AKAP7: variants seen among roughly 807,000 people sequenced by gnomAD.
AKAP7 encodes the protein A kinase (PRKA) anchor protein 7.
In AKAP7, 39 loss-of-function variants were observed where a neutral mutation model predicts 39.5. That is an observed-to-expected ratio of 0.99 (90% CI 0.76 to 1.29). AKAP7 has a LOEUF of 1.29. AKAP7 is among the 50% of genes most tolerant of loss of function. The pLI is 0.00. For missense variants in AKAP7, 414 were observed against 407.7 expected (o/e 1.02, Z -0.13); for synonymous variants, 140 against 139.1 (o/e 1.01, Z -0.05).
At chr6:131,145,532 T>A in intron 2 of AKAP7, 116 bp downstream of exon 2, 1 of 640,464 alleles carries the variant, frequency 1.6e-6, no homozygotes, top group Non-Finnish European at 2.2e-6. Context: ...TTTTGAGTTT[T>A]AATTTTGATT....
intron 7 of AKAP7, among the ~76,000 whole-genome samples, chr6:131,261,875 G>A (rs866039783): frequency 2.6e-5 from 4 of 152,096 alleles, no homozygotes; most frequent in Non-Finnish European, 5.9e-5. Context: ...AGAATTTAAC[G>A]TAGGGAATTA....
chr6:131,175,238 G>T (rs961091765), intron 5 of AKAP7, among the ~76,000 whole-genome samples: 6 of 152,188 alleles, frequency 3.9e-5, no homozygotes, highest in African/African-American at 1.4e-4. Context: ...TCTTAGGGGT[G>T]GCAGAGGCAC....
rs1815172497 is a variant in AKAP7 at position 131,281,288 on chromosome 6, G to T, written c.851-242G>T. On this transcript the variant is annotated intron_variant, in intron 7 of 7. Coordinates refer to ENST00000431975, the MANE Select transcript of AKAP7 (RefSeq NM_016377.4). This position sits in a 1 kb window ranked among gnomAD's most constrained non-coding sequence, Gnocchi z 4.0. The stretch of plus-strand genomic sequence containing the variant: ...TTCACATATAAATGGGAAACATCCG[G>T]CATTGGTAGGTAGAGCTTGTCTAGA... 6.6e-6 allele frequency among the ~76,000 whole-genome samples: 1 copy of T among 152,206 alleles called. No individual in the cohort carries two copies. Among genetic ancestry groups the T allele is most frequent in the Non-Finnish European group, 1.5e-5 (1 of 68,036 alleles).
At chr6:131,205,069 G>A (rs1379015636) in intron 6 of AKAP7, among the ~76,000 whole-genome samples, 1 of 152,092 alleles carries the variant, frequency 6.6e-6, no homozygotes, top group Non-Finnish European at 1.5e-5. Flanking sequence ...GCTGTGTAGA[G>A]GAATGCTCTG....
intron 5 of AKAP7, among the ~76,000 whole-genome samples, chr6:131,179,896 T>TAAGA (rs911267672): frequency 1.4e-5 from 2 of 143,358 alleles, no homozygotes; most frequent in African/African-American, 5.2e-5. Context: ...AATAAATAAA[T>TAAGA]AATAAATAAA....
At chr6:131,197,715 A>T (rs1332284283) in intron 5 of AKAP7, among the ~76,000 whole-genome samples, 1 of 152,064 alleles carries the variant, frequency 6.6e-6, no homozygotes, top group Non-Finnish European at 1.5e-5. Flanking sequence ...TATAAATTTG[A>T]TTTGGATTTG....
intron 7 of AKAP7, among the ~76,000 whole-genome samples, chr6:131,230,712 A>G (rs1267165298): frequency 6.6e-6 from 1 of 152,074 alleles, no homozygotes. Context: ...TTTTTATAGT[A>G]TACATGTTAC....
chr6:131,228,151 T>G (rs1810337567), intron 7 of AKAP7, among the ~76,000 whole-genome samples: 1 of 152,160 alleles, frequency 6.6e-6, no homozygotes. Context: ...GGGGATCTCC[T>G]TTATGGAAGA....
At chr6:131,133,758 A>G (rs1172172088), upstream of AKAP7, among the ~76,000 whole-genome samples, 1 of 152,250 alleles carries the variant, frequency 6.6e-6, no homozygotes, top group East Asian at 1.9e-4. Flanking sequence ...ATGCACATAG[A>G]TGCTTCACAG....
At chr6:131,156,778 CTTT>C (rs902449634) in intron 2 of AKAP7, among the ~76,000 whole-genome samples, 2 of 143,592 alleles carry the variant, frequency 1.4e-5, no homozygotes. Context: ...TTGGAGTTTC[CTTT>C]TTTTTTTTTG....
At chr6:131,209,047 A>G (rs141700076) in intron 6 of AKAP7, among the ~76,000 whole-genome samples, 1 of 152,210 alleles carries the variant, frequency 6.6e-6, no homozygotes, top group Non-Finnish European at 1.5e-5. Context: ...GAACAGTTGT[A>G]TAGTCTACTC....
At chr6:131,159,301 G>C (rs1359347346) in intron 2 of AKAP7, among the ~76,000 whole-genome samples, 2 of 151,852 alleles carry the variant, frequency 1.3e-5, no homozygotes, top group African/African-American at 4.8e-5. Context: ...CACCGTGTTA[G>C]CCAGGATGGT....
intron 5 of AKAP7, among the ~76,000 whole-genome samples, chr6:131,190,064 A>G (rs1482382533): frequency 1.3e-5 from 2 of 152,316 alleles, no homozygotes; most frequent in East Asian, 3.9e-4. Flanking sequence ...CAAATATGAC[A>G]TTGCTCGAAC....
At chr6:131,240,863 G>A (rs945091648) in intron 7 of AKAP7, among the ~76,000 whole-genome samples, 4 of 152,158 alleles carry the variant, frequency 2.6e-5, no homozygotes, top group African/African-American at 9.7e-5. Context: ...CCCGGGTGAG[G>A]TGATGCCTTG....
At chr6:131,214,535 G>T (rs934455223) in intron 6 of AKAP7, among the ~76,000 whole-genome samples, 1 of 152,190 alleles carries the variant, frequency 6.6e-6, no homozygotes, top group Non-Finnish European at 1.5e-5. Context: ...TGCCAGTATT[G>T]TACCTGATTA....
intron 2 of AKAP7, among the ~76,000 whole-genome samples, chr6:131,155,466 T>C (rs754422918): frequency 5.9e-5 from 9 of 152,246 alleles, no homozygotes; most frequent in Non-Finnish European, 7.3e-5. Context: ...GCCTTCCATC[T>C]AATGGATCAT....
intron 7 of AKAP7, chr6:131,250,358 G>A (rs868767700): frequency 2.9e-6 from 4 of 1,387,682 alleles, no homozygotes; most frequent in Non-Finnish European, 3.7e-6. Context: ...TAGGCTGGAG[G>A]ACTGGAGGTG....
At chr6:131,215,973 C>A (rs555845185) in intron 6 of AKAP7, among the ~76,000 whole-genome samples, 27 of 152,268 alleles carry the variant, frequency 1.8e-4, no homozygotes, top group African/African-American at 6.3e-4. Flanking sequence ...TAGCAGAAAT[C>A]AAATCCAGGA....
chr6:131,194,766 G>A (rs1024429669), intron 5 of AKAP7, among the ~76,000 whole-genome samples: 2 of 152,084 alleles, frequency 1.3e-5, no homozygotes, highest in Admixed American at 1.3e-4. Flanking sequence ...TTGCTGAATT[G>A]ATCCCTAAAT....
Sources: allele counts gnomAD v4.1 joint callset (sites outside exome capture counted in the v4.1 genomes callset), GRCh38; gene constraint gnomAD v4.1.1; non-coding constraint Gnocchi (gnomAD v3.1); transcripts MANE v1.5; gene names NCBI Gene and HGNC (gene_info 2026-07-23, HGNC 2026-07-21).